The following THSD7A variants were observed in gnomAD, a reference collection of about 807,000 sequenced individuals.
THSD7A encodes the protein thrombospondin type 1 domain containing 7A, also known as thrombospondin type-1 domain-containing protein 7A.
A neutral mutation model predicts 231.3 loss-of-function variants in THSD7A; 96 were observed. The observed-to-expected ratio is 0.41, with a 90% CI of 0.35 to 0.49. The LOEUF (loss-of-function observed/expected upper bound fraction) is 0.49, where lower values mean the gene tolerates loss of function less well. THSD7A is among the 20% of genes least tolerant of loss of function. The pLI, the probability that THSD7A is intolerant of heterozygous loss-of-function variation, is 0.05. For missense variants in THSD7A, 2,290 were observed against 2,070.2 expected (o/e 1.11, Z -2.06); for synonymous variants, 940 against 743.3 (o/e 1.26, Z -4.30).
chr7:11,470,713 G>A (rs976619225), intron 8 of THSD7A, among the ~76,000 whole-genome samples: 6 of 151,576 alleles, frequency 4.0e-5, no homozygotes, highest in African/African-American at 1.4e-4. Flanking sequence ...AACAAAAACA[G>A]TGAAGATAAA....
chr7:11,413,738 C>T (rs1312387259), intron 17 of THSD7A: 1 of 152,196 alleles, frequency 6.6e-6, no homozygotes, highest in Admixed American at 6.5e-5. Context: ...TTGCTAGCTA[C>T]TCCTGCAGAT....
intron 1 of THSD7A, among the ~76,000 whole-genome samples, chr7:11,661,832 A>G (rs1782941523): frequency 1.3e-5 from 2 of 151,412 alleles, no homozygotes; most frequent in Admixed American, 1.3e-4. Context: ...AAATGTGTAT[A>G]GAATTAAAAC....
chr7:11,717,743 T>C (rs758873143), intron 1 of THSD7A, among the ~76,000 whole-genome samples: 2 of 151,656 alleles, frequency 1.3e-5, no homozygotes, highest in Admixed American at 6.6e-5. Context: ...GATTCTTGTC[T>C]CTTGCTTGGT....
chr7:11,499,218 C>A (rs568792194), intron 6 of THSD7A, among the ~76,000 whole-genome samples: 7 of 152,328 alleles, frequency 4.6e-5, no homozygotes, highest in African/African-American at 1.7e-4. Context: ...TGTCACCAGA[C>A]AGGGAACTCC....
chr7:11,589,328 G>C (rs1226997150), intron 4 of THSD7A, among the ~76,000 whole-genome samples: 1 of 151,900 alleles, frequency 6.6e-6, no homozygotes, highest in Non-Finnish European at 1.5e-5. Flanking sequence ...TTTACCCTTG[G>C]TTTTTGCTTT....
intron 2 of THSD7A, among the ~76,000 whole-genome samples, chr7:11,635,863 A>C (rs1365055997): frequency 6.6e-6 from 1 of 152,078 alleles, no homozygotes; most frequent in East Asian, 1.9e-4. Context: ...CATAGAGAAG[A>C]AGCAGTATCT....
intron 2 of THSD7A, among the ~76,000 whole-genome samples, chr7:11,597,847 C>A (rs1474759929): frequency 7.9e-5 from 12 of 152,130 alleles, no homozygotes; most frequent in Admixed American, 7.9e-4. Context: ...CACAAGTAAG[C>A]TACATGAGGA....
At chr7:11,407,601 A>G (rs1243180608) in intron 19 of THSD7A, among the ~76,000 whole-genome samples, 178 bp from the exon 20 acceptor site, 2 of 152,206 alleles carry the variant, frequency 1.3e-5, no homozygotes, top group Admixed American at 6.5e-5. Flanking sequence ...GACCTAGGAG[A>G]GTGGAAGTTA....
At position 11,781,927 on chromosome 7, in the gene THSD7A, A is replaced by T. The variant is rs1285638496; in HGVS notation, c.190+49830T>A. On this transcript the variant is annotated intron_variant, in intron 1 of 27. Transcript: ENST00000423059. ...TACATTTTGAGTCAGATAATTCTTTATTTCAGGAGTCTTTCCTCTGTGTTG... is the reference window on the plus strand; with the variant it reads ...TACATTTTGAGTCAGATAATTCTTTTTTTCAGGAGTCTTTCCTCTGTGTTG... 2.0e-5 allele frequency among the ~76,000 whole-genome samples: 3 copies of T among 152,188 alleles called. No homozygotes were observed. The East Asian group carries it at 5.8e-4, about 29-fold the overall frequency.
intron 11 of THSD7A, among the ~76,000 whole-genome samples, chr7:11,452,784 G>A (rs755374282): frequency 6.6e-6 from 1 of 151,916 alleles, no homozygotes; most frequent in Non-Finnish European, 1.5e-5. Flanking sequence ...GATATAAAAC[G>A]AAACCCAAAA....
At chr7:11,555,295 T>G (rs1169522369) in intron 4 of THSD7A, among the ~76,000 whole-genome samples, 1 of 152,002 alleles carries the variant, frequency 6.6e-6, no homozygotes, top group African/African-American at 2.4e-5. Context: ...TATTTTCTTT[T>G]CATCCAGTAT....
chr7:11,676,964 G>A lies in THSD7A; in HGVS notation c.191-40003C>T, dbSNP rs141199658. On this transcript the variant is annotated intron_variant, in intron 1 of 27. Transcript: ENST00000423059. ...AGAAAAACAACCCCAAGACATAATC[G>A]TCAGATTCACCAAGGTTGAAATGAA... 2.7e-3 allele frequency among the ~76,000 whole-genome samples: 406 copies of A among 152,058 alleles called. 1 individual carries two copies. Among genetic ancestry groups the A allele is most frequent in the African/African-American group, 9.2e-3 (381 of 41,512 alleles).
Position 11,444,376 on chromosome 7 carries a change from A to G in THSD7A, c.3064+1685T>C, listed in dbSNP as rs187358778. Reference sequence around the variant, plus strand: ...GTATGTTTACTGTGGCACTGTTCACAATAGCAAAGACTCGGAACCAACCCA... The same window carrying G: ...GTATGTTTACTGTGGCACTGTTCACGATAGCAAAGACTCGGAACCAACCCA... On this transcript the variant is annotated intron_variant, in intron 13 of 27. Transcript: ENST00000423059. This position sits in a 1 kb window ranked among gnomAD's most constrained non-coding sequence, Gnocchi z 4.2. Among the ~76,000 whole-genome samples the G allele has an allele frequency of 5.1e-4, 77 of 152,258 alleles. No individual in the cohort carries two copies. Among genetic ancestry groups the G allele is most frequent in the Non-Finnish European group, 6.5e-4 (44 of 68,018 alleles).
At chr7:11,482,361 T>G (rs1238747468) in intron 6 of THSD7A, among the ~76,000 whole-genome samples, 2 of 152,188 alleles carry the variant, frequency 1.3e-5, no homozygotes, top group African/African-American at 2.4e-5. Flanking sequence ...TGAGCTATGA[T>G]TTACAAATAA....
intron 1 of THSD7A, among the ~76,000 whole-genome samples, chr7:11,823,088 C>T (rs1384305434): frequency 6.6e-6 from 1 of 151,948 alleles, no homozygotes; most frequent in African/African-American, 2.4e-5. Flanking sequence ...AGTTAGGGGT[C>T]TTATGCTTAA....
At chr7:11,713,491 C>T (rs1039460234) in intron 1 of THSD7A, among the ~76,000 whole-genome samples, 8 of 151,146 alleles carry the variant, frequency 5.3e-5, no homozygotes, top group African/African-American at 1.7e-4. Flanking sequence ...TGTCGTCTTG[C>T]CCTTTCAGCA....
At chr7:11,663,830 C>T (rs1269799121) in intron 1 of THSD7A, among the ~76,000 whole-genome samples, 1 of 151,524 alleles carries the variant, frequency 6.6e-6, no homozygotes, top group Non-Finnish European at 1.5e-5. Flanking sequence ...ATACAAGAAT[C>T]TCAATTTTGT....
intron 6 of THSD7A, among the ~76,000 whole-genome samples, chr7:11,490,727 A>G (rs1472067001): frequency 6.6e-6 from 1 of 151,992 alleles, no homozygotes; most frequent in East Asian, 1.9e-4. Context: ...ATGACCTAAA[A>G]TGTTAATTTT....
At chr7:11,770,471 T>C (rs928063360) in intron 1 of THSD7A, among the ~76,000 whole-genome samples, 1 of 152,128 alleles carries the variant, frequency 6.6e-6, no homozygotes, top group African/African-American at 2.4e-5. Flanking sequence ...AAGAGCAAGG[T>C]TAATTCTGAC....
Sources: allele counts gnomAD v4.1 joint callset (sites outside exome capture counted in the v4.1 genomes callset), GRCh38; gene constraint gnomAD v4.1.1; non-coding constraint Gnocchi (gnomAD v3.1); transcripts MANE v1.5; gene names NCBI Gene and HGNC (gene_info 2026-07-23, HGNC 2026-07-21).